The following PPP2R2C variants were observed in gnomAD, a reference collection of about 807,000 sequenced individuals.
The protein encoded by PPP2R2C is protein phosphatase 2 regulatory subunit Bgamma, also known as protein phosphatase 2, regulatory subunit B, gamma.
Under a neutral mutation model 45.3 loss-of-function variants are expected in PPP2R2C, and 10 were observed. The ratio of observed to expected loss-of-function variants is 0.22; its 90% CI spans 0.14 to 0.37. The LOEUF (loss-of-function observed/expected upper bound fraction) is 0.37. Ranked by LOEUF, PPP2R2C falls within the 10% of genes least tolerant of loss-of-function variation. The probability of loss-of-function intolerance (pLI) is 1.00; values close to 1 mark genes in which losing one functional copy is unlikely to be tolerated. For missense variants in PPP2R2C, 308 were observed against 619.7 expected, an observed-to-expected ratio of 0.50 and a Z score of 5.34; for synonymous variants, 257 against 245.4, an observed-to-expected ratio of 1.05 and a Z score of -0.44.
chr4:6,562,504 C>A (rs183093518), intron 1 of PPP2R2C, among the ~76,000 whole-genome samples: 2 of 151,178 alleles, frequency 1.3e-5, no homozygotes, highest in Non-Finnish European at 2.9e-5. Context: ...GCTCTTGGAA[C>A]AGTGTGTTTG....
chr4:6,556,130 T>C lies in PPP2R2C; in HGVS notation c.-59+7430A>G, dbSNP rs180901305. Reference sequence around the variant, plus strand: ...ATGGGGCACGTGGGGGTTCATTCCATGTGTCAACTTGACGGGGCCACGGGA... The same window carrying C: ...ATGGGGCACGTGGGGGTTCATTCCACGTGTCAACTTGACGGGGCCACGGGA... On this transcript the variant is annotated intron_variant, in intron 1 of 9. Transcript: ENST00000506140. Among the ~76,000 whole-genome samples, 394 of 152,278 alleles carry C rather than the reference T, an allele frequency of 2.6e-3. 3 individuals are homozygous for C. The highest frequency in any genetic ancestry group is 8.9e-3 in the African/African-American group (371 of 41,568).
At chr4:6,454,692 G>A (rs1246891221) in intron 1 of PPP2R2C, among the ~76,000 whole-genome samples, 2 of 152,188 alleles carry the variant, frequency 1.3e-5, no homozygotes, top group Non-Finnish European at 2.9e-5. Flanking sequence ...TCACATCACT[G>A]AGCTCCAGAG....
intron 2 of PPP2R2C, among the ~76,000 whole-genome samples, chr4:6,509,889 G>T (rs1448571924): frequency 6.6e-6 from 1 of 152,146 alleles, no homozygotes; most frequent in Non-Finnish European, 1.5e-5. Flanking sequence ...GCACTTGGTG[G>T]GGGCTGTCAC....
chr4:6,392,715 C>G (rs11725306), intron 1 of PPP2R2C, among the ~76,000 whole-genome samples: 20,370 of 152,206 alleles, frequency 0.13, 1,503 homozygotes, highest in South Asian at 0.23. Context: ...GAGGCCTGAG[C>G]ATTTTATTCT....
intron 2 of PPP2R2C, among the ~76,000 whole-genome samples, chr4:6,495,308 G>A (rs1722845020): frequency 6.6e-6 from 1 of 152,236 alleles, no homozygotes; most frequent in Non-Finnish European, 1.5e-5. Context: ...AGGCTGGAAG[G>A]ACAGTTGGCC....
intron 1 of PPP2R2C, among the ~76,000 whole-genome samples, chr4:6,539,411 C>A (rs1219995690): frequency 1.3e-5 from 2 of 152,226 alleles, no homozygotes; most frequent in East Asian, 3.8e-4. Flanking sequence ...CTTAAACCAG[C>A]CAGTCTGTGG....
intron 1 of PPP2R2C, among the ~76,000 whole-genome samples, chr4:6,387,037 A>G (rs1716261005): frequency 6.6e-6 from 1 of 152,156 alleles, no homozygotes. Context: ...TTCAATAGAA[A>G]TTACCCAGTC....
At chr4:6,500,619 C>T (rs1348174988) in intron 2 of PPP2R2C, among the ~76,000 whole-genome samples, 1 of 152,208 alleles carries the variant, frequency 6.6e-6, no homozygotes, top group African/African-American at 2.4e-5. Flanking sequence ...CAGGACATTG[C>T]CAAAGAACCT....
intron 2 of PPP2R2C, among the ~76,000 whole-genome samples, chr4:6,506,869 C>A (rs1407514651): frequency 6.6e-6 from 1 of 152,196 alleles, no homozygotes; most frequent in Non-Finnish European, 1.5e-5. Flanking sequence ...TCACTTGGGG[C>A]TGTCAACATA....
intron 1 of PPP2R2C, among the ~76,000 whole-genome samples, chr4:6,406,132 G>C (rs976323765): frequency 6.6e-6 from 1 of 152,086 alleles, no homozygotes; most frequent in Non-Finnish European, 1.5e-5. Context: ...ATTTATTTTT[G>C]AACAATTTGA....
intron 1 of PPP2R2C, among the ~76,000 whole-genome samples, chr4:6,433,306 A>AT (rs1719723701): frequency 6.6e-6 from 1 of 152,184 alleles, no homozygotes; most frequent in African/African-American, 2.4e-5. Context: ...CTGCTTGGAC[A>AT]TATCTGGATA....
At chr4:6,441,379 A>C (rs1428278430) in intron 1 of PPP2R2C, among the ~76,000 whole-genome samples, 2 of 151,934 alleles carry the variant, frequency 1.3e-5, no homozygotes, top group Non-Finnish European at 2.9e-5. Flanking sequence ...CTCCAGCTGC[A>C]GGGGAGGAGC....
intron 1 of PPP2R2C, among the ~76,000 whole-genome samples, chr4:6,416,075 C>A (rs1413732040): frequency 1.5e-5 from 2 of 132,380 alleles, no homozygotes; most frequent in Non-Finnish European, 3.3e-5. Context: ...ATTTGGATTT[C>A]TCATGAGCAA....
chr4:6,371,106 G>A (rs1714790667), intron 5 of PPP2R2C, among the ~76,000 whole-genome samples: 1 of 152,214 alleles, frequency 6.6e-6, no homozygotes, highest in African/African-American at 2.4e-5. Context: ...AGGTCTATGA[G>A]GAGGCATGAT....
At chr4:6,429,429 GT>G (rs1199884585) in intron 1 of PPP2R2C, among the ~76,000 whole-genome samples, 8 of 152,274 alleles carry the variant, frequency 5.3e-5, no homozygotes, top group Non-Finnish European at 8.8e-5. Context: ...ACTGACTTGT[GT>G]TTTTTAAGAC....
intron 6 of PPP2R2C, among the ~76,000 whole-genome samples, chr4:6,342,749 T>A (rs115542675): frequency 0.016 from 2,371 of 152,272 alleles, 58 homozygotes; most frequent in African/African-American, 0.053. Context: ...TGCCAAGCAG[T>A]CACAAGACGC....
intron 1 of PPP2R2C, among the ~76,000 whole-genome samples, chr4:6,448,158 C>T (rs997810676): frequency 1.3e-5 from 2 of 152,172 alleles, no homozygotes; most frequent in Non-Finnish European, 1.5e-5. Context: ...TTATTGGGTG[C>T]GTTCTCTGTG....
chr4:6,369,701 G>A (rs1167101563), intron 5 of PPP2R2C, among the ~76,000 whole-genome samples: 4 of 152,100 alleles, frequency 2.6e-5, no homozygotes, highest in Non-Finnish European at 2.9e-5. Flanking sequence ...CAGCCTCCTC[G>A]AGCCCAGGGA....
chr4:6,421,161 T>C, intron 1 of PPP2R2C: 1 of 982,142 alleles, frequency 1.0e-6, no homozygotes, highest in Non-Finnish European at 1.2e-6. Context: ...CACCACTTCC[T>C]GGTTAGCACA....
Sources: gnomAD v4.1 joint callset for allele counts (sites outside exome capture counted in the v4.1 genomes callset) on GRCh38, gnomAD v4.1.1 for gene constraint, MANE v1.5 for transcripts, NCBI Gene and HGNC (gene_info 2026-07-23, HGNC 2026-07-21) for gene names.